The following CTTNBP2 variants were observed in gnomAD, a reference collection of about 807,000 sequenced individuals.
CTTNBP2 encodes the protein cortactin binding protein 2, also known as cortactin-binding protein 2.
In CTTNBP2, 108 loss-of-function variants were observed where a neutral mutation model predicts 156.9. That is an observed-to-expected ratio of 0.69 (90% confidence interval 0.59 to 0.81). The LOEUF is 0.81. Ranked by LOEUF, CTTNBP2 falls within the 30% of genes least tolerant of loss-of-function variation. The pLI is 0.00. For missense variants in CTTNBP2, 1,924 were observed against 2,035.4 expected, an observed-to-expected ratio of 0.95 and a Z score of 1.05; for synonymous variants, 767 against 751.8, an observed-to-expected ratio of 1.02 and a Z score of -0.33.
intron 2 of CTTNBP2, among the ~76,000 whole-genome samples, chr7:117,827,487 A>T (rs560092241): frequency 6.6e-6 from 1 of 152,228 alleles, no homozygotes; most frequent in African/African-American, 2.4e-5. Context: ...AACAGAAAAA[A>T]AATTCCCAAT....
intron 17 of CTTNBP2, among the ~76,000 whole-genome samples, chr7:117,727,853 C>T (rs1381565689): frequency 6.6e-6 from 1 of 152,172 alleles, no homozygotes; most frequent in Non-Finnish European, 1.5e-5. Flanking sequence ...CCAAACATAA[C>T]TTGGATGAGA....
chr7:117,744,830 G>A lies in CTTNBP2; in HGVS notation c.3535+1001C>T, dbSNP rs147302892. Reference sequence around the variant, plus strand: ...AAGGTTAGCTTGTGCCCCAGAAATCGAGGCTGCAGTGAGCTGAGATCATGC... The same window carrying A: ...AAGGTTAGCTTGTGCCCCAGAAATCAAGGCTGCAGTGAGCTGAGATCATGC... On this transcript the variant is annotated intron_variant, in intron 14 of 22. Transcript: ENST00000160373. Among the ~76,000 whole-genome samples, 27 of 152,294 alleles carry A rather than the reference G, an allele frequency of 1.8e-4. No individual in the cohort carries two copies. The East Asian group carries it at 3.5e-3, about 20-fold the overall frequency.
chr7:117,809,029 A>G (rs1483370774), intron 3 of CTTNBP2, among the ~76,000 whole-genome samples: 1 of 152,212 alleles, frequency 6.6e-6, no homozygotes, highest in African/African-American at 2.4e-5. Context: ...GAAGTTGGCT[A>G]TAAAGGACTC....
At chr7:117,794,670 T>C (rs553154612) in intron 3 of CTTNBP2, among the ~76,000 whole-genome samples, 2 of 152,340 alleles carry the variant, frequency 1.3e-5, no homozygotes, top group Non-Finnish European at 2.9e-5. Context: ...GTTTCTTTAC[T>C]CTGGGATGCT....
intron 2 of CTTNBP2, among the ~76,000 whole-genome samples, chr7:117,859,884 C>T (rs1455279240): frequency 6.6e-6 from 1 of 152,178 alleles, no homozygotes; most frequent in East Asian, 1.9e-4. Flanking sequence ...GCTATGCCAA[C>T]TTCTGGTTTA....
chr7:117,856,005 A>G (rs2117218833), intron 2 of CTTNBP2, among the ~76,000 whole-genome samples: 1 of 152,302 alleles, frequency 6.6e-6, no homozygotes, highest in South Asian at 2.1e-4. Flanking sequence ...ATCTTCCTAT[A>G]TCTTAGCCCA....
chr7:117,756,688 G>C (rs746433873), intron 11 of CTTNBP2, 54 bp from the exon 12 acceptor site: 7 of 1,097,850 alleles, frequency 6.4e-6, no homozygotes, highest in Non-Finnish European at 9.9e-6. Context: ...AAATATAAAC[G>C]ATCAAAACAC....
At chr7:117,873,075 G>A (rs148582428) in intron 1 of CTTNBP2, among the ~76,000 whole-genome samples, 1 of 152,306 alleles carries the variant, frequency 6.6e-6, no homozygotes, top group Non-Finnish European at 1.5e-5. Context: ...GGAGCTGGGA[G>A]AACCGGGCGA....
intron 2 of CTTNBP2, among the ~76,000 whole-genome samples, chr7:117,846,801 A>ATGTATC: frequency 6.6e-6 from 1 of 152,250 alleles, no homozygotes; most frequent in South Asian, 2.1e-4. Flanking sequence ...TCAAGATTTA[A>ATGTATC]AAACTGGCTT....
chr7:117,779,757 G>A (rs1798305029), intron 7 of CTTNBP2, among the ~76,000 whole-genome samples: 1 of 150,712 alleles, frequency 6.6e-6, no homozygotes, highest in Non-Finnish European at 1.5e-5. Flanking sequence ...AAATACATAT[G>A]TATATGTATA....
chr7:117,841,861 T>C (rs1162500576), intron 2 of CTTNBP2, among the ~76,000 whole-genome samples: 1 of 151,952 alleles, frequency 6.6e-6, no homozygotes, highest in Non-Finnish European at 1.5e-5. Flanking sequence ...AGAGAAAAAA[T>C]GGAACAGTAA....
At chr7:117,852,469 C>T (rs1802991971) in intron 2 of CTTNBP2, among the ~76,000 whole-genome samples, 1 of 152,092 alleles carries the variant, frequency 6.6e-6, no homozygotes, top group African/African-American at 2.4e-5. Context: ...TCCATCACTT[C>T]CCTAAACTCA....
At chr7:117,754,560 G>T (rs907218557) in intron 12 of CTTNBP2, among the ~76,000 whole-genome samples, 1 of 152,162 alleles carries the variant, frequency 6.6e-6, no homozygotes, top group Non-Finnish European at 1.5e-5. Context: ...ATAACACAGG[G>T]CCTATGCTCT....
In CTTNBP2 at chr7:117,734,932, C is replaced by G. The variant is rs543041784; in HGVS notation, c.3857G>C (p.Arg1286Pro). Reference protein sequence around the residue: ...PMQGLLQRFLRRKVVNKFKGQ... With the variant: ...PMQGLLQRFLPRKVVNKFKGQ... ...TGTTACCTTATTCACAACTTTCCTT[C>G]GTAAGAACCTCTGCAGCAGTCCTTG... is the stretch of plus-strand genomic sequence containing the variant. The change falls in exon 16 of 23, where the codon CGA becomes CCA. Residue 1286 changes from arginine (R) to proline (P), a missense_variant. Transcript: ENST00000160373. The G allele has an allele frequency of 6.3e-7, 1 of 1,595,018 alleles. No homozygotes were observed.
intron 2 of CTTNBP2, among the ~76,000 whole-genome samples, chr7:117,822,089 C>T (rs1348047359): frequency 1.3e-5 from 2 of 151,988 alleles, no homozygotes; most frequent in African/African-American, 2.4e-5. Flanking sequence ...AGAATCAAGG[C>T]TATTTGGATT....
intron 2 of CTTNBP2, among the ~76,000 whole-genome samples, chr7:117,829,237 C>G (rs552756494): frequency 6.6e-6 from 1 of 152,316 alleles, no homozygotes; most frequent in Admixed American, 6.5e-5. Context: ...CCCACTCCCT[C>G]TATTCTGGAG....
chr7:117,710,739 G>A lies in CTTNBP2; in HGVS notation c.*798C>T, dbSNP rs1410016547. On this transcript the variant is annotated 3_prime_UTR_variant, in exon 23 of 23. Coordinates refer to ENST00000160373, the MANE Select transcript of CTTNBP2 (RefSeq NM_033427.3). ...GTCTGTAATTTTAGAAGTAACATTT[G>A]TAGAAAATATCAATATTATCAGTTG... 4 of 151,970 alleles carry A rather than the reference G, an allele frequency of 2.6e-5. No homozygotes were observed. The highest frequency in any genetic ancestry group is 9.7e-5 in the African/African-American group (4 of 41,172). 9.4% of individuals were successfully genotyped at this position (151,970 alleles called of 1,614,324 possible).
intron 2 of CTTNBP2, among the ~76,000 whole-genome samples, chr7:117,836,251 C>T (rs1008217233): frequency 6.6e-6 from 1 of 152,140 alleles, no homozygotes; most frequent in African/African-American, 2.4e-5. Context: ...CCCCTTCCAC[C>T]CCACTTTTCT....
intron 3 of CTTNBP2, among the ~76,000 whole-genome samples, chr7:117,798,153 GA>G (rs1799423629): frequency 6.6e-6 from 1 of 151,914 alleles, no homozygotes; most frequent in African/African-American, 2.4e-5. Context: ...AGAAATACAG[GA>G]AAAATAGACA....
Sources: allele counts gnomAD v4.1 joint callset (sites outside exome capture counted in the v4.1 genomes callset), GRCh38; gene constraint gnomAD v4.1.1; transcripts MANE v1.5; gene names NCBI Gene and HGNC (gene_info 2026-07-23, HGNC 2026-07-21).